INF2: variants seen among roughly 807,000 people sequenced by gnomAD.
INF2 encodes the protein inverted formin 2.
A neutral mutation model predicts 123.5 loss-of-function variants in INF2; 43 were observed. The observed-to-expected ratio is 0.35, with a 90% CI of 0.27 to 0.45. The LOEUF is 0.45. Among genes scored for constraint, INF2 ranks in the 20% least tolerant of loss-of-function variants. The pLI is 1.00. For missense variants in INF2, 1,453 were observed against 1,682.7 expected (o/e 0.86, Z 2.39); for synonymous variants, 851 against 745.0 (o/e 1.14, Z -2.32).
At chr14:104,701,295 G>A (rs974359257) in intron 1 of INF2, 62 bp from the exon 2 acceptor site, 16 of 1,511,344 alleles carry the variant, frequency 1.1e-5, no homozygotes, top group Non-Finnish European at 1.4e-5. Context: ...CGCCTGCGCT[G>A]GTGGCCAGGA....
chr14:104,718,211 T>A (rs905575321), intron 22 of INF2, among the ~76,000 whole-genome samples: 1 of 152,242 alleles, frequency 6.6e-6, no homozygotes, highest in African/African-American at 2.4e-5. Context: ...GGACACCACC[T>A]GGCACTGTGG....
At chr14:104,689,518 C>A (rs1888827083), upstream of INF2, 2 of 541,902 alleles carry the variant, frequency 3.7e-6, no homozygotes, top group Non-Finnish European at 4.7e-6. Flanking sequence ...CACCTCCCCC[C>A]CCAGGCCCCG....
Position 104,714,444 on chromosome 14 carries a change from C to G in INF2, c.3282C>G (p.Pro1094=). The G allele has an allele frequency of 2.5e-6, 4 of 1,611,176 alleles. No homozygotes were observed. The highest frequency in any genetic ancestry group is 3.4e-6 in the Non-Finnish European group (4 of 1,179,090). The change falls in exon 21 of 23, where the codon CCC becomes CCG. Residue 1094 remains proline, a synonymous_variant. Coordinates refer to ENST00000392634, the MANE Select transcript of INF2 (RefSeq NM_022489.4). Reference sequence around the variant, plus strand: ...TAACCACTGAGGATCCCCAGTGCCCCCAGCCCTTGGAGGGGGCCTGGCCGG... The same window carrying G: ...TAACCACTGAGGATCCCCAGTGCCCGCAGCCCTTGGAGGGGGCCTGGCCGG... ...DVLTTEDPQC[P]QPLEGAWPVT...
Sources: gnomAD v4.1 joint callset for allele counts (sites outside exome capture counted in the v4.1 genomes callset) on GRCh38, gnomAD v4.1.1 for gene constraint, MANE v1.5 for transcripts, NCBI Gene and HGNC (gene_info 2026-07-23, HGNC 2026-07-21) for gene names.